Variants in HEMK2 observed in about 807,000 individuals in gnomAD.
The protein encoded by HEMK2 is HemK methyltransferase 2, ETF1 glutamine and histone H4 lysine.
chr21:28,629,877 G>C, the HEMK2 span, among the ~76,000 whole-genome samples: 1 of 152,002 alleles, frequency 6.6e-6, no homozygotes, highest in African/African-American at 2.4e-5. Context: ...CACTGGTCCA[G>C]AGGGAATCAG....
chr21:28,778,979 T>C, the HEMK2 span, among the ~76,000 whole-genome samples: 4 of 152,198 alleles, frequency 2.6e-5, no homozygotes, highest in African/African-American at 9.6e-5. Context: ...CATCACGTTT[T>C]GGTATCCAGA....
At chr21:28,831,455 A>AAAGAAAGAAAGAAAAGAAAGAAAAG in the HEMK2 span, among the ~76,000 whole-genome samples, 5 of 56,962 alleles carry the variant, frequency 8.8e-5, no homozygotes, top group Non-Finnish European at 1.5e-4. Flanking sequence ...AAAAAGAAAG[A>AAAGAAAGAAAGAAAAGAAAGAAAAG]AAAGAACGAA....
chr21:28,692,174 T>C, the HEMK2 span, among the ~76,000 whole-genome samples: 1 of 152,178 alleles, frequency 6.6e-6, no homozygotes, highest in African/African-American at 2.4e-5. Context: ...ACCCATGAGA[T>C]TCCTTGCAAC....
the HEMK2 span, among the ~76,000 whole-genome samples, chr21:28,878,606 T>C: frequency 2.0e-5 from 3 of 152,018 alleles, no homozygotes; most frequent in African/African-American, 7.2e-5. Context: ...AATAAGTGGA[T>C]AAAAAATGTT....
chr21:28,837,719 C>G, the HEMK2 span, among the ~76,000 whole-genome samples: 17 of 150,820 alleles, frequency 1.1e-4, no homozygotes, highest in Admixed American at 1.1e-3. Flanking sequence ...GAAACTGAAA[C>G]AAAAAAAATA....
chr21:28,792,759 TC>T, the HEMK2 span, among the ~76,000 whole-genome samples: 14 of 152,194 alleles, frequency 9.2e-5, no homozygotes, highest in African/African-American at 3.4e-4. Context: ...CTGCGTCTTC[TC>T]TTCCTCATTA....
the HEMK2 span, among the ~76,000 whole-genome samples, chr21:28,709,057 T>C: frequency 6.6e-6 from 1 of 152,102 alleles, no homozygotes; most frequent in African/African-American, 2.4e-5. Context: ...TGTTCTATCC[T>C]CACATGGTGA....
the HEMK2 span, among the ~76,000 whole-genome samples, chr21:28,826,147 C>G: frequency 6.6e-6 from 1 of 152,244 alleles, no homozygotes; most frequent in African/African-American, 2.4e-5. Flanking sequence ...AAGTTCAGCA[C>G]AAACAGAACC....
the HEMK2 span, among the ~76,000 whole-genome samples, chr21:28,854,218 G>GC: frequency 2.0e-5 from 3 of 152,094 alleles, no homozygotes; most frequent in African/African-American, 7.2e-5. Context: ...TAAGTTCCTT[G>GC]CCTCTAATCA....
At chr21:28,620,956 C>T in the HEMK2 span, among the ~76,000 whole-genome samples, 3 of 151,964 alleles carry the variant, frequency 2.0e-5, no homozygotes, top group African/African-American at 7.3e-5. Context: ...CAGGCATGAG[C>T]CACCGCACCT....
the HEMK2 span, among the ~76,000 whole-genome samples, chr21:28,828,595 C>T: frequency 6.6e-6 from 1 of 152,200 alleles, no homozygotes; most frequent in African/African-American, 2.4e-5. Context: ...AGACCAAAGG[C>T]ACTTTGGTGA....
At chr21:28,663,981 T>C in the HEMK2 span, among the ~76,000 whole-genome samples, 10 of 152,194 alleles carry the variant, frequency 6.6e-5, no homozygotes, top group Non-Finnish European at 1.2e-4. Context: ...ACATACGCAT[T>C]GTACATATAG....
the HEMK2 span, among the ~76,000 whole-genome samples, chr21:28,610,480 A>G: frequency 1.1e-4 from 17 of 151,944 alleles, no homozygotes; most frequent in Non-Finnish European, 2.2e-4. Flanking sequence ...AGGACCTATA[A>G]AACAATACAA....
the HEMK2 span, among the ~76,000 whole-genome samples, chr21:28,680,360 G>C: frequency 5.0e-3 from 757 of 152,218 alleles, 6 homozygotes; most frequent in African/African-American, 0.017. Flanking sequence ...GGAAGAAGTG[G>C]AATCGCTGAA....
At chr21:28,791,694 C>G in the HEMK2 span, among the ~76,000 whole-genome samples, 14 of 152,080 alleles carry the variant, frequency 9.2e-5, 1 homozygote, top group Non-Finnish European at 2.1e-4. Context: ...TTTATTTGTG[C>G]CTGGGTTGAC....
At chr21:28,750,632 T>A in the HEMK2 span, among the ~76,000 whole-genome samples, 1 of 137,218 alleles carries the variant, frequency 7.3e-6, no homozygotes, top group Non-Finnish European at 1.5e-5. Context: ...ACCCAGGAGG[T>A]AGAGGTTGCA....
At chr21:28,796,545 A>G in the HEMK2 span, among the ~76,000 whole-genome samples, 4,628 of 152,284 alleles carry the variant, frequency 0.03, 115 homozygotes, top group African/African-American at 0.064. Flanking sequence ...CAAAAAATGC[A>G]CAGAATTAAT....
the HEMK2 span, among the ~76,000 whole-genome samples, chr21:28,859,947 T>C: frequency 6.6e-6 from 1 of 152,314 alleles, no homozygotes; most frequent in South Asian, 2.1e-4. Flanking sequence ...ATACTGAGTG[T>C]GATGGTTAAT....
chr21:28,589,601 C>T, the HEMK2 span, among the ~76,000 whole-genome samples: 1 of 151,960 alleles, frequency 6.6e-6, no homozygotes. Flanking sequence ...ACAGTGGGAG[C>T]CAAGTTTCTC....
Sources: allele counts gnomAD v4.1 joint callset (sites outside exome capture counted in the v4.1 genomes callset), GRCh38; gene constraint gnomAD v4.1.1; transcripts MANE v1.5; gene names NCBI Gene and HGNC (gene_info 2026-07-23, HGNC 2026-07-21).